The following UTP20 variants were observed in gnomAD, a reference collection of about 807,000 sequenced individuals.
UTP20 encodes small subunit processome component 20 homolog.
UTP20 carries 164 observed loss-of-function variants against 329.5 expected under a neutral mutation model. That is an observed-to-expected ratio of 0.50 (90% CI 0.44 to 0.57). The LOEUF is 0.57. Ranked by LOEUF, UTP20 falls within the 20% of genes least tolerant of loss-of-function variation. UTP20 has a pLI of 0.00. For synonymous variants in UTP20, 1,151 were observed against 1,159.3 expected (o/e 0.99, Z 0.14); for missense variants, 3,055 against 3,284.2 (o/e 0.93, Z 1.71).
chr12:101,336,274 T>C (rs1436637401), intron 29 of UTP20, among the ~76,000 whole-genome samples: 3 of 152,198 alleles, frequency 2.0e-5, no homozygotes, highest in Non-Finnish European at 4.4e-5. Flanking sequence ...ACCCCTTCAA[T>C]GGGAATGTTA....
Position 101,337,947 on chromosome 12 carries a change from A to C in UTP20, c.3642-104A>C, listed in dbSNP as rs529397095. 157 of 990,078 alleles carry C rather than the reference A, an allele frequency of 1.6e-4. No homozygotes were observed. In the African/African-American group the frequency reaches 2.2e-3, roughly 14 times the overall value. The allele number at this position is 990,078 out of a possible 1,614,324, so 61.3% of individuals were successfully genotyped here. ...TAATTCCCCTTTGAATAATCTTATT[A>C]ATGTTGAATATTTGTTAAACTCATG... On this transcript the variant is annotated intron_variant, in intron 29 of 61. Coordinates refer to ENST00000261637, the MANE Select transcript of UTP20 (RefSeq NM_014503.3).
At chr12:101,375,577 A>G in intron 55 of UTP20, 47 bp from the exon 56 acceptor site, 2 of 1,598,990 alleles carry the variant, frequency 1.3e-6, no homozygotes, top group Non-Finnish European at 1.7e-6. Context: ...TCCATCAGAT[A>G]CTTTCAGATT....
chr12:101,377,870 G>A (rs1870526567), intron 56 of UTP20, among the ~76,000 whole-genome samples: 2 of 152,146 alleles, frequency 1.3e-5, no homozygotes, highest in Admixed American at 1.3e-4. Context: ...GATTAATACT[G>A]TCTGTGCTGC....
At chr12:101,377,903 T>C (rs977369547) in intron 56 of UTP20, among the ~76,000 whole-genome samples, 5 of 152,184 alleles carry the variant, frequency 3.3e-5, no homozygotes, top group Non-Finnish European at 5.9e-5. Context: ...TTGTTGATGG[T>C]TAAATGAGAT....
At chr12:101,366,764 T>C (rs771719251) in intron 47 of UTP20, 65 bp downstream of exon 47, 14 of 1,555,316 alleles carry the variant, frequency 9.0e-6, no homozygotes, top group Non-Finnish European at 1.2e-5. Flanking sequence ...AGTCTTCTGT[T>C]GAATTTCTAG....
At position 101,299,783 on chromosome 12, in the gene UTP20, A is replaced by T; in HGVS notation, c.1532A>T (p.Asp511Val). 6.2e-7 allele frequency: 1 copy of T among 1,613,282 alleles called. No individual in the cohort carries two copies. Among genetic ancestry groups the T allele is most frequent in the Non-Finnish European group, 8.5e-7 (1 of 1,179,728 alleles). The change falls in exon 13 of 62, where the codon GAT (aspartate) becomes GTT (valine). Residue 511 changes from aspartate to valine, a missense_variant. Asp to Val is a radical substitution (Grantham distance 152). Coordinates refer to ENST00000261637, the MANE Select transcript of UTP20 (RefSeq NM_014503.3). Reference protein sequence around the residue: ...LSIIKLPPNKDTTYLSQSWAA... With the variant: ...LSIIKLPPNKVTTYLSQSWAA... ...ATAATTAAGTTACCCCCAAATAAAG[A>T]TACTACTTACCTTTCACAATCTTGG...
At position 101,301,957 on chromosome 12, in the gene UTP20, T is replaced by C. The variant is rs371993742; in HGVS notation, c.1676-491T>C. ...TTATTTATTTATTTTGAGACTGTCT[T>C]GCTCTGTCACCCAGGCTGGAGGGCA... On this transcript the variant is annotated intron_variant, in intron 14 of 61. Coordinates refer to ENST00000261637, the MANE Select transcript of UTP20 (RefSeq NM_014503.3). Among the ~76,000 whole-genome samples the C allele has an allele frequency of 5.9e-5, 9 of 152,262 alleles. No individual in the cohort carries two copies. In the South Asian group the frequency reaches 1.9e-3, roughly 32 times the overall value.
intron 43 of UTP20, among the ~76,000 whole-genome samples, chr12:101,359,838 A>G (rs1869855184): frequency 1.3e-5 from 2 of 152,174 alleles, no homozygotes; most frequent in South Asian, 4.1e-4. Flanking sequence ...AGAGAAAAGC[A>G]ACTAGACTAG....
chr12:101,282,452 G>T (rs1239656669), intron 2 of UTP20, among the ~76,000 whole-genome samples: 1 of 120,336 alleles, frequency 8.3e-6, no homozygotes, highest in Admixed American at 7.9e-5. Flanking sequence ...GGTTATAGGT[G>T]TGTATAGGGT....
chr12:101,312,720 G>A (rs1282916724), intron 21 of UTP20, among the ~76,000 whole-genome samples: 7 of 152,348 alleles, frequency 4.6e-5, no homozygotes, highest in African/African-American at 7.2e-5. Context: ...GATTACAGGC[G>A]TGAGCCACCA....
rs1248312715 is a variant in UTP20, at chr12:101,338,172, A to G, written c.3763A>G (p.Ile1255Val). The change falls in exon 30 of 62, where the codon ATA becomes GTA. Residue 1255 changes from isoleucine to valine, a missense_variant. By Grantham distance (29) the Ile-to-Val change is conservative (BLOSUM62 3). Transcript: ENST00000261637. ...SDATASIVMD[I>V]VDDLLNLPDF... is the part of the protein sequence containing the mutation. ...TGCCACAGCCAGTATTGTAATGGACATAGTTGATGACCTTCTTAACCTTCC... is the reference window on the plus strand; with the variant it reads ...TGCCACAGCCAGTATTGTAATGGACGTAGTTGATGACCTTCTTAACCTTCC... 3 of 1,614,164 alleles carry G rather than the reference A, an allele frequency of 1.9e-6. No homozygotes were observed. Among genetic ancestry groups the G allele is most frequent in the South Asian group, 1.1e-5 (1 of 91,084 alleles).
intron 60 of UTP20, among the ~76,000 whole-genome samples, chr12:101,385,247 G>T (rs1278783673): frequency 6.6e-6 from 1 of 152,164 alleles, no homozygotes; most frequent in Non-Finnish European, 1.5e-5. Context: ...AAGGTCCCAA[G>T]TTACTTTAAT....
intron 56 of UTP20, among the ~76,000 whole-genome samples, chr12:101,376,617 T>A (rs1870481861): frequency 6.6e-6 from 1 of 152,002 alleles, no homozygotes; most frequent in South Asian, 2.1e-4. Context: ...AGTGCCAAAC[T>A]GTTTTATAAT....
At chr12:101,290,595 A>G (rs1381409320) in intron 7 of UTP20, 138 bp from the exon 8 acceptor site, 4 of 939,408 alleles carry the variant, frequency 4.3e-6, no homozygotes, top group Non-Finnish European at 6.0e-6. Flanking sequence ...ACACGTTATT[A>G]ACCATCAAAG....
chr12:101,324,124 G>A (rs191599796), intron 25 of UTP20, among the ~76,000 whole-genome samples: 15 of 151,154 alleles, frequency 9.9e-5, no homozygotes, highest in African/African-American at 2.4e-4. Context: ...ATGACAGAGC[G>A]AGACTCTGTC....
rs1231816913 is a variant in UTP20 at position 101,386,041 on chromosome 12, G to A, written c.8276G>A (p.Arg2759Lys). The A allele has an allele frequency of 5.0e-6, 8 of 1,610,246 alleles. No individual in the cohort carries two copies. The highest frequency in any genetic ancestry group is 6.8e-6 in the Non-Finnish European group (8 of 1,179,378). ...AAAAATAAAAGTGAAGCAAAGAAGA[G>A]AAAGATAGAGTTCCTGCGTCCAGGA... ...KHKNKSEAKK[R>K]KIEFLRPGYK... Residue 2759 changes from arginine (R) to lysine (K), a missense_variant, in exon 62 of 62, where the codon AGA becomes AAA. Transcript: ENST00000261637.
intron 14 of UTP20, among the ~76,000 whole-genome samples, chr12:101,301,084 A>G (rs1872509382): frequency 6.6e-6 from 1 of 152,208 alleles, no homozygotes; most frequent in African/African-American, 2.4e-5. Context: ...TTCAAAATGT[A>G]AAAAACATTT....
intron 51 of UTP20, among the ~76,000 whole-genome samples, chr12:101,372,542 C>T (rs1044327933): frequency 2.0e-5 from 3 of 152,202 alleles, no homozygotes; most frequent in Non-Finnish European, 4.4e-5. Context: ...CCAGATTGGA[C>T]CACAGTCCAT....
At chr12:101,334,210 T>A (rs1868860330) in intron 28 of UTP20, among the ~76,000 whole-genome samples, 1 of 152,246 alleles carries the variant, frequency 6.6e-6, no homozygotes, top group African/African-American at 2.4e-5. Flanking sequence ...TCCTTTCTGG[T>A]GTCTAGCACT....
Sources: gnomAD v4.1 joint callset for allele counts (sites outside exome capture counted in the v4.1 genomes callset) on GRCh38, gnomAD v4.1.1 for gene constraint, MANE v1.5 for transcripts, NCBI Gene and HGNC (gene_info 2026-07-23, HGNC 2026-07-21) for gene names.